Variants in MCU observed in about 807,000 individuals in gnomAD.
The protein encoded by MCU is mitochondrial calcium uniporter.
MCU carries 12 observed loss-of-function variants against 45.2 expected under a neutral mutation model. The observed-to-expected ratio is 0.27, with a 90% CI of 0.17 to 0.43. The LOEUF is 0.43. Ranked by LOEUF, MCU falls within the 20% of genes least tolerant of loss-of-function variation. The probability of loss-of-function intolerance (pLI) is 1.00; values close to 1 mark genes in which losing one functional copy is unlikely to be tolerated. For synonymous variants in MCU, 160 were observed against 165.1 expected, an observed-to-expected ratio of 0.97 and a Z score of 0.24; for missense variants, 324 against 436.7, an observed-to-expected ratio of 0.74 and a Z score of 2.30.
chr10:72,858,239 T>C lies in MCU; in HGVS notation c.221-938T>C, dbSNP rs555997325. On this transcript the variant is annotated intron_variant, in intron 2 of 7. Transcript: ENST00000373053. ...ATGCATATTTATGAAAGGAGAAATG[T>C]GTGTATGCACAACTGATCTTCATGC... 2.4e-3 allele frequency among the ~76,000 whole-genome samples: 370 copies of C among 152,302 alleles called. 1 individual carries two copies. Among genetic ancestry groups the C allele is most frequent in the African/African-American group, 8.3e-3 (347 of 41,574 alleles).
chr10:72,735,369 A>G (rs1258326586), intron 1 of MCU, among the ~76,000 whole-genome samples: 1 of 152,144 alleles, frequency 6.6e-6, no homozygotes, highest in South Asian at 2.1e-4. Flanking sequence ...TATATGATCT[A>G]AAAAGTTAGT....
At chr10:72,692,955 C>G (rs1456968265) in intron 1 of MCU, 1 of 1,533,998 alleles carries the variant, frequency 6.5e-7, no homozygotes, top group Admixed American at 2.0e-5. Flanking sequence ...GCTTCATCCT[C>G]TTGGGTCCTT....
At chr10:72,862,537 G>A (rs972016133) in intron 4 of MCU, among the ~76,000 whole-genome samples, 2 of 152,074 alleles carry the variant, frequency 1.3e-5, no homozygotes, top group African/African-American at 2.4e-5. Context: ...CATAAGAAGC[G>A]CACAACCTAG....
At position 72,692,201 on chromosome 10, in the gene MCU, G is replaced by GCGGCGGCGGCGGGGGCGC. The variant is rs1239938912; in HGVS notation, c.58_75dup (p.Gly20_Gly25dup). On this transcript the variant is annotated inframe_insertion, in exon 1 of 8. Transcript: ENST00000373053. Reference sequence around the variant, plus strand: ...CTCCTGCTGCTCCTCTCCTCTCGGGGCGGCGGCGGCGGGGGCGCCGGCGGC... The same window carrying GCGGCGGCGGCGGGGGCGC: ...CTCCTGCTGCTCCTCTCCTCTCGGGGCGGCGGCGGCGGGGGCGCCGGCGGCGGCGGGGGCGCCGGCGGC... 2.4e-6 allele frequency: 3 copies of GCGGCGGCGGCGGGGGCGC among 1,254,274 alleles called. No individual in the cohort carries two copies. The African/African-American group carries it at 4.6e-5, about 19-fold the overall frequency. 77.7% of individuals were successfully genotyped at this position (1,254,274 alleles called of 1,614,324 possible). A position where few individuals can be genotyped will look rare whatever the true frequency, so the allele number is the denominator to read the frequency against.
chr10:72,849,263 A>G (rs1353730292), intron 2 of MCU, among the ~76,000 whole-genome samples: 1 of 137,276 alleles, frequency 7.3e-6, no homozygotes, highest in African/African-American at 2.8e-5. Context: ...CGTGGGTGAT[A>G]GAGCAAGACT....
In MCU at chr10:72,744,011, T is replaced by TTA. The variant is rs368919882; in HGVS notation, c.150+51722_150+51723dup. 2.8e-4 allele frequency among the ~76,000 whole-genome samples: 42 copies of TTA among 150,810 alleles called. 1 individual carries two copies. The highest frequency in any genetic ancestry group is 1.8e-3 in the Admixed American group (27 of 15,066). On this transcript the variant is annotated intron_variant, in intron 1 of 7. Coordinates refer to ENST00000373053, the MANE Select transcript of MCU (RefSeq NM_138357.3). ...ATTTTCATGTCTCTCCCTTAATAGT[T>TTA]TATATATATATATGTATGTGTATTT...
intron 2 of MCU, among the ~76,000 whole-genome samples, chr10:72,836,242 A>G (rs1844954375): frequency 6.6e-6 from 1 of 152,194 alleles, no homozygotes; most frequent in Non-Finnish European, 1.5e-5. Flanking sequence ...TCATATATTC[A>G]ATATCCACAT....
At chr10:72,864,221 GTTC>G (rs1242941392) in intron 4 of MCU, among the ~76,000 whole-genome samples, 2 of 152,120 alleles carry the variant, frequency 1.3e-5, no homozygotes, top group Non-Finnish European at 2.9e-5. Context: ...CTCATGGGTA[GTTC>G]TTCTTTCTAG....
chr10:72,768,918 C>G (rs1186739918), intron 1 of MCU, among the ~76,000 whole-genome samples: 4 of 152,104 alleles, frequency 2.6e-5, no homozygotes, highest in African/African-American at 9.7e-5. Context: ...GTGGTGCAAT[C>G]ATAGCTCACT....
At chr10:72,806,152 CTTTTTTTTTTT>C (rs774464297) in intron 1 of MCU, among the ~76,000 whole-genome samples, 1 of 120,206 alleles carries the variant, frequency 8.3e-6, no homozygotes, top group East Asian at 2.4e-4. Context: ...CCATGAAGAG[CTTTTTTTTTTT>C]TTTTTTTTTT....
At chr10:72,801,424 A>G (rs548992336) in intron 1 of MCU, among the ~76,000 whole-genome samples, 15 of 149,058 alleles carry the variant, frequency 1.0e-4, no homozygotes, top group African/African-American at 3.5e-4. Flanking sequence ...TTATAGGTAC[A>G]GTGTAGTGAA....
chr10:72,878,409 C>T (rs150806798), intron 6 of MCU, among the ~76,000 whole-genome samples: 1 of 152,174 alleles, frequency 6.6e-6, no homozygotes, highest in African/African-American at 2.4e-5. Context: ...GCATGAGCCA[C>T]CATGCCTGGC....
intron 4 of MCU, among the ~76,000 whole-genome samples, chr10:72,862,704 G>T (rs751157219): frequency 1.3e-5 from 2 of 152,072 alleles, no homozygotes; most frequent in African/African-American, 4.8e-5. Context: ...GTACTGGTTC[G>T]CACCCCAGGG....
intron 2 of MCU, among the ~76,000 whole-genome samples, chr10:72,855,377 A>G (rs1845272091): frequency 6.6e-6 from 1 of 152,136 alleles, no homozygotes; most frequent in African/African-American, 2.4e-5. Context: ...CAGGAGTTCA[A>G]GGTCAGCCTG....
chr10:72,867,199 A>G (rs1053627348), intron 4 of MCU, among the ~76,000 whole-genome samples: 7 of 151,866 alleles, frequency 4.6e-5, no homozygotes, highest in Non-Finnish European at 1.0e-4. Flanking sequence ...GAATGTTTGA[A>G]ATATGTGGTT....
At chr10:72,713,091 A>C (rs1842915125) in intron 1 of MCU, among the ~76,000 whole-genome samples, 1 of 152,228 alleles carries the variant, frequency 6.6e-6, no homozygotes, top group African/African-American at 2.4e-5. Context: ...ATTCTCATTA[A>C]ATTATTTGAG....
At chr10:72,789,028 A>C (rs575562233) in intron 1 of MCU, among the ~76,000 whole-genome samples, 10 of 152,242 alleles carry the variant, frequency 6.6e-5, no homozygotes, top group African/African-American at 2.2e-4. Flanking sequence ...GACTATACTT[A>C]GAGTCCTGTA....
At chr10:72,828,111 C>T (rs1844824925) in intron 1 of MCU, among the ~76,000 whole-genome samples, 1 of 152,104 alleles carries the variant, frequency 6.6e-6, no homozygotes, top group African/African-American at 2.4e-5. Flanking sequence ...ATTTTGGAGA[C>T]AGGTTTGGCA....
chr10:72,739,438 T>C (rs1335766346), intron 1 of MCU, among the ~76,000 whole-genome samples: 1 of 152,256 alleles, frequency 6.6e-6, no homozygotes, highest in Non-Finnish European at 1.5e-5. Flanking sequence ...GTGCTTTTTT[T>C]CCTTTGAATT....
Sources: gnomAD v4.1 joint callset for allele counts (sites outside exome capture counted in the v4.1 genomes callset) on GRCh38, gnomAD v4.1.1 for gene constraint, MANE v1.5 for transcripts, NCBI Gene and HGNC (gene_info 2026-07-23, HGNC 2026-07-21) for gene names.